Variants in DENND2A observed in about 807,000 individuals in gnomAD.
DENND2A encodes DENN domain-containing protein 2A.
A neutral mutation model predicts 105.3 loss-of-function variants in DENND2A; 53 were observed. The observed-to-expected ratio is 0.50, with a 90% CI of 0.40 to 0.63. The LOEUF is 0.63. Among genes scored for constraint, DENND2A ranks in the 30% least tolerant of loss-of-function variants. The pLI, the probability that DENND2A is intolerant of heterozygous loss-of-function variation, is 0.00. For synonymous variants in DENND2A, 522 were observed against 508.4 expected, an observed-to-expected ratio of 1.03 and a Z score of -0.36; for missense variants, 1,138 against 1,279.6, an observed-to-expected ratio of 0.89 and a Z score of 1.69.
chr7:140,557,960 C>T (rs2130565531), intron 11 of DENND2A, among the ~76,000 whole-genome samples, 183 bp downstream of exon 11: 1 of 152,228 alleles, frequency 6.6e-6, no homozygotes, highest in Non-Finnish European at 1.5e-5. Flanking sequence ...GCATGAGCCA[C>T]CATGCCAGAT....
Position 140,555,687 on chromosome 7 carries a change from A to T in DENND2A, c.1986T>A (p.Pro662=), listed in dbSNP as rs772883859. The T allele has an allele frequency of 6.2e-7, 1 of 1,608,374 alleles. No individual in the cohort carries two copies. Among genetic ancestry groups the T allele is most frequent in the Non-Finnish European group, 8.5e-7 (1 of 1,178,454 alleles). Residue 662 remains proline (P), a synonymous_variant, in exon 12 of 20, where the codon CCT becomes CCA. Coordinates refer to ENST00000496613, the MANE Select transcript of DENND2A (RefSeq NM_015689.5). ...GGCGGCTCACAATGCAGTAAACTTC[A>T]GGAAGGCGCTTCCCTTTGCCTCCAG... The part of the protein sequence containing the change: ...LLPGGKGKRL[P]EVYCIVSRLG...
intron 1 of DENND2A, among the ~76,000 whole-genome samples, chr7:140,624,424 C>T (rs561828356): frequency 1.2e-3 from 178 of 152,274 alleles, no homozygotes; most frequent in African/African-American, 4.0e-3. Context: ...ACAGAGAGGC[C>T]CCTCAACACC....
At chr7:140,563,957 T>C (rs1457563547) in intron 9 of DENND2A, among the ~76,000 whole-genome samples, 1 of 151,826 alleles carries the variant, frequency 6.6e-6, no homozygotes, top group East Asian at 1.9e-4. Context: ...CCATCCTGGA[T>C]GACAACAGCA....
intron 8 of DENND2A, 99 bp from the exon 9 acceptor site, chr7:140,567,372 C>A: frequency 9.4e-7 from 1 of 1,064,166 alleles, no homozygotes; most frequent in Non-Finnish European, 1.3e-6. Flanking sequence ...CCTGAAATGA[C>A]CATGAGTCCA....
In DENND2A at chr7:140,536,719, T is replaced by C. The variant is rs1318215995; in HGVS notation, c.2327+7899A>G. 1.2e-4 allele frequency among the ~76,000 whole-genome samples: 19 copies of C among 152,198 alleles called. 1 individual carries two copies. The highest frequency in any genetic ancestry group is 2.4e-4 in the Non-Finnish European group (16 of 68,032). ...TTGCTCTGTTGCCCAAGCTGCAGTA[T>C]AGTCGTGCCATCTTGGCTTACTGCA... is the stretch of plus-strand genomic sequence containing the variant. On this transcript the variant is annotated intron_variant, in intron 14 of 19. Coordinates refer to ENST00000496613, the MANE Select transcript of DENND2A (RefSeq NM_015689.5).
At chr7:140,556,565 CCT>C (rs1474198326) in intron 11 of DENND2A, among the ~76,000 whole-genome samples, 1 of 152,140 alleles carries the variant, frequency 6.6e-6, no homozygotes, top group Non-Finnish European at 1.5e-5. Context: ...GTCTTGAACT[CCT>C]GAGCTCAGGC....
At position 140,559,649 on chromosome 7, in the gene DENND2A, C is replaced by T; in HGVS notation, c.1889+59G>A. On this transcript the variant is annotated intron_variant, in intron 10 of 19. Coordinates refer to ENST00000496613, the MANE Select transcript of DENND2A (RefSeq NM_015689.5). This position sits in a 1 kb window ranked among gnomAD's most constrained non-coding sequence, Gnocchi z 4.1. ...ACTCATGTGGTCTGCCACCTGTAAC[C>T]CCGTCTCTAAGTCTCGCCTTAGTCT... 7.7e-7 allele frequency: 1 copy of T among 1,291,248 alleles called. No individual in the cohort carries two copies. The highest frequency in any genetic ancestry group is 1.1e-6 in the Non-Finnish European group (1 of 893,250). 80.0% of individuals were successfully genotyped at this position (1,291,248 alleles called of 1,614,324 possible). A position where few individuals can be genotyped will look rare whatever the true frequency, so the allele number is the denominator to read the frequency against.
At chr7:140,553,224 G>A (rs965285621) in intron 12 of DENND2A, among the ~76,000 whole-genome samples, 3 of 152,116 alleles carry the variant, frequency 2.0e-5, no homozygotes, top group Non-Finnish European at 4.4e-5. Context: ...AGTGGGGAGA[G>A]GGTCAGCAGA....
chr7:140,611,839 A>C (rs1167089174), intron 1 of DENND2A, among the ~76,000 whole-genome samples: 1 of 152,218 alleles, frequency 6.6e-6, no homozygotes, highest in East Asian at 1.9e-4. Context: ...GTTGCTATTA[A>C]TAGGTGAGGG....
chr7:140,556,678 AAATT>A (rs1270476143), intron 11 of DENND2A, among the ~76,000 whole-genome samples: 3 of 152,170 alleles, frequency 2.0e-5, no homozygotes, highest in African/African-American at 7.2e-5. Context: ...TTGATCAACA[AAATT>A]ATTATCTCAC....
intron 11 of DENND2A, 64 bp downstream of exon 11, chr7:140,558,079 G>A: frequency 2.8e-6 from 4 of 1,405,390 alleles, no homozygotes; most frequent in Non-Finnish European, 3.0e-6. Flanking sequence ...AGCCAGACCT[G>A]GCTCTTGCAC....
At chr7:140,525,727 G>A in intron 16 of DENND2A, 24 bp downstream of exon 16, 3 of 1,599,302 alleles carry the variant, frequency 1.9e-6, no homozygotes, top group Non-Finnish European at 2.6e-6. Context: ...AAGGGAGCAG[G>A]AGGCCGTCGC....
intron 7 of DENND2A, 129 bp from the exon 8 acceptor site, chr7:140,568,942 T>G: frequency 1.2e-6 from 1 of 824,788 alleles, no homozygotes. Flanking sequence ...TTTTTTTTTT[T>G]GAGATGGAGT....
chr7:140,587,433 C>T (rs1326848537), intron 4 of DENND2A, among the ~76,000 whole-genome samples: 2 of 152,164 alleles, frequency 1.3e-5, no homozygotes, highest in African/African-American at 2.4e-5. Flanking sequence ...CCACTCATTA[C>T]CAGCTAGTCT....
In DENND2A at chr7:140,531,655, A is replaced by C. The variant is rs960021845; in HGVS notation, c.2328-4160T>G. Among the ~76,000 whole-genome samples, 29 of 151,168 alleles carry C rather than the reference A, an allele frequency of 1.9e-4. 1 individual carries two copies. Among genetic ancestry groups the C allele is most frequent in the Admixed American group, 6.6e-4 (10 of 15,190 alleles). ...CTCTACTAAAAATACAAAAAATACA[A>C]AAACAAAAAACGAGTCGGGCATGGT... On this transcript the variant is annotated intron_variant, in intron 14 of 19. Transcript: ENST00000496613.
chr7:140,576,828 C>A (rs547984786), intron 5 of DENND2A, among the ~76,000 whole-genome samples: 1 of 152,270 alleles, frequency 6.6e-6, no homozygotes, highest in Non-Finnish European at 1.5e-5. Flanking sequence ...TCTTTGAGGC[C>A]AAATTCCATC....
chr7:140,527,605 T>C lies in DENND2A; in HGVS notation c.2328-110A>G, dbSNP rs1279979363. The C allele has an allele frequency of 2.4e-5, 28 of 1,167,732 alleles. No individual in the cohort carries two copies. In the East Asian group the frequency reaches 6.8e-4, roughly 28 times the overall value. 72.3% of individuals were successfully genotyped at this position (1,167,732 alleles called of 1,614,324 possible). A position where few individuals can be genotyped will look rare whatever the true frequency, so the allele number is the denominator to read the frequency against. On this transcript the variant is annotated intron_variant, in intron 14 of 19. Transcript: ENST00000496613. This position sits in a 1 kb window ranked among gnomAD's most constrained non-coding sequence, Gnocchi z 4.9. The stretch of plus-strand genomic sequence containing the variant: ...CAGGATGACTAGGAAAGGACACACG[T>C]GGATGTGGATCCGGTGGAGCACATG...
At chr7:140,575,874 C>A (rs1798275252) in intron 5 of DENND2A, among the ~76,000 whole-genome samples, 1 of 151,438 alleles carries the variant, frequency 6.6e-6, no homozygotes. Flanking sequence ...GAGGCTGAGA[C>A]AGGATAATTG....
Position 140,611,939 on chromosome 7 carries a change from A to G in DENND2A, c.-247-6133T>C, listed in dbSNP as rs145376498. ...TACACCACAAGCCACTGAACTGTAC[A>G]GTTTAAGATGGTGAATGTTGGCTGA... On this transcript the variant is annotated intron_variant, in intron 1 of 19. Coordinates refer to ENST00000496613, the MANE Select transcript of DENND2A (RefSeq NM_015689.5). Among the ~76,000 whole-genome samples, 372 of 152,266 alleles carry G rather than the reference A, an allele frequency of 2.4e-3. 10 individuals carry two copies. The highest frequency in any genetic ancestry group is 8.1e-4 in the Non-Finnish European group (55 of 68,012).
Sources: gnomAD v4.1 joint callset for allele counts (sites outside exome capture counted in the v4.1 genomes callset) on GRCh38, gnomAD v4.1.1 for gene constraint, Gnocchi (gnomAD v3.1) non-coding constraint, MANE v1.5 for transcripts, NCBI Gene and HGNC (gene_info 2026-07-23, HGNC 2026-07-21) for gene names.